PLCB1: variants seen among roughly 807,000 people sequenced by gnomAD.
The protein encoded by PLCB1 is phospholipase C beta 1.
PLCB1 carries 46 observed loss-of-function variants against 161.8 expected under a neutral mutation model. The observed-to-expected ratio is 0.28, with a 90% CI of 0.22 to 0.36. PLCB1 has a LOEUF of 0.36. Among genes scored for constraint, PLCB1 ranks in the 10% least tolerant of loss-of-function variants. The probability of loss-of-function intolerance (pLI) is 1.00; values close to 1 mark genes in which losing one functional copy is unlikely to be tolerated. For synonymous variants in PLCB1, 517 were observed against 503.7 expected (o/e 1.03, Z -0.35); for missense variants, 1,016 against 1,472.5 (o/e 0.69, Z 5.07).
rs1366505821 is a variant in PLCB1, at chr20:8,752,684, T to C, written c.2524-4362T>C. On this transcript the variant is annotated intron_variant, in intron 23 of 31. Coordinates refer to ENST00000338037, the MANE Select transcript of PLCB1 (RefSeq NM_015192.4). ...GGTGCATGCCTGTAATTCCAGCTAC[T>C]CGGGAGGCTGAGGCAGGAGAATCGC... Among the ~76,000 whole-genome samples, 3 of 151,402 alleles carry C rather than the reference T, an allele frequency of 2.0e-5. No homozygotes were observed. The East Asian group carries it at 5.8e-4, about 29-fold the overall frequency.
At chr20:8,393,061 G>A (rs1368869530) in intron 3 of PLCB1, among the ~76,000 whole-genome samples, 2 of 152,134 alleles carry the variant, frequency 1.3e-5, no homozygotes, top group Non-Finnish European at 2.9e-5. Flanking sequence ...ATGTTTGTTG[G>A]TGTTTAAAGG....
intron 3 of PLCB1, among the ~76,000 whole-genome samples, chr20:8,579,789 A>G (rs2123074440): frequency 6.6e-6 from 1 of 152,128 alleles, no homozygotes; most frequent in East Asian, 1.9e-4. Flanking sequence ...GTTCTCTAGG[A>G]TTATGTATGG....
chr20:8,795,695 G>A (rs1983981061), intron 31 of PLCB1, among the ~76,000 whole-genome samples: 1 of 152,070 alleles, frequency 6.6e-6, no homozygotes, highest in African/African-American at 2.4e-5. Flanking sequence ...AGGAAACATG[G>A]GGAAACCCCA....
intron 2 of PLCB1, among the ~76,000 whole-genome samples, chr20:8,202,150 C>T (rs1233665337): frequency 6.6e-6 from 1 of 152,148 alleles, no homozygotes; most frequent in South Asian, 2.1e-4. Flanking sequence ...CATCTCTGCT[C>T]ATTGCAAACT....
intron 26 of PLCB1, among the ~76,000 whole-genome samples, chr20:8,771,722 T>C (rs558204087): frequency 6.6e-6 from 1 of 152,236 alleles, no homozygotes; most frequent in South Asian, 2.1e-4. Context: ...TAAAGATACG[T>C]CATGAGGAGC....
At chr20:8,169,653 A>T (rs137867673) in intron 2 of PLCB1, among the ~76,000 whole-genome samples, 4 of 152,278 alleles carry the variant, frequency 2.6e-5, no homozygotes, top group African/African-American at 7.2e-5. Context: ...TAATACTGCC[A>T]AGTTGCAGAT....
intron 2 of PLCB1, among the ~76,000 whole-genome samples, chr20:8,322,266 C>G (rs1984954149): frequency 6.6e-6 from 1 of 152,046 alleles, no homozygotes; most frequent in Admixed American, 6.6e-5. Context: ...TCTGGGAGGA[C>G]TTTATAGAAG....
At chr20:8,608,486 C>T (rs1987818696) in intron 3 of PLCB1, among the ~76,000 whole-genome samples, 1 of 152,180 alleles carries the variant, frequency 6.6e-6, no homozygotes, top group African/African-American at 2.4e-5. Context: ...TGCCTCAAAA[C>T]ATACTTTATC....
At chr20:8,867,716 G>A (rs999187235) in intron 31 of PLCB1, among the ~76,000 whole-genome samples, 5 of 151,994 alleles carry the variant, frequency 3.3e-5, no homozygotes, top group African/African-American at 1.2e-4. Context: ...TTGGACTCTT[G>A]GTATATGTTA....
intron 2 of PLCB1, among the ~76,000 whole-genome samples, chr20:8,361,560 G>T (rs1986543083): frequency 6.6e-6 from 1 of 152,130 alleles, no homozygotes; most frequent in Non-Finnish European, 1.5e-5. Context: ...CCCAAATGAT[G>T]ATGATGCCAT....
chr20:8,399,450 T>C (rs1186335593), intron 3 of PLCB1, among the ~76,000 whole-genome samples: 1 of 152,186 alleles, frequency 6.6e-6, no homozygotes, highest in African/African-American at 2.4e-5. Context: ...CCTGGATCTA[T>C]TTCTGGAATA....
At position 8,884,068 on chromosome 20, in the gene PLCB1, T is replaced by C. The variant is rs1988090732; in HGVS notation, c.*2219T>C. Reference sequence around the variant, plus strand: ...AATAACCTTGACTTACACAAAACTGTTTTGGTAGTTGGATTTCATTATCTT... The same window carrying C: ...AATAACCTTGACTTACACAAAACTGCTTTGGTAGTTGGATTTCATTATCTT... On this transcript the variant is annotated 3_prime_UTR_variant, in exon 32 of 32. Coordinates refer to ENST00000338037, the MANE Select transcript of PLCB1 (RefSeq NM_015192.4). 6.6e-6 allele frequency: 1 copy of C among 152,182 alleles called. No homozygotes were observed. Among genetic ancestry groups the C allele is most frequent in the African/African-American group, 2.4e-5 (1 of 41,426 alleles). The allele number at this position is 152,182 out of a possible 1,614,324, so 9.4% of individuals were successfully genotyped here. A position where few individuals can be genotyped will look rare whatever the true frequency, so the allele number is the denominator to read the frequency against.
At chr20:8,695,121 A>G (rs1380324229) in intron 10 of PLCB1, among the ~76,000 whole-genome samples, 1 of 152,178 alleles carries the variant, frequency 6.6e-6, no homozygotes, top group African/African-American at 2.4e-5. Context: ...TTCCAAATGC[A>G]TCTTTGTGTT....
rs566423133 is a variant in PLCB1, at chr20:8,198,313, G to A, written c.177+47942G>A. Among the ~76,000 whole-genome samples, 10 of 152,208 alleles carry A rather than the reference G, an allele frequency of 6.6e-5. No homozygotes were observed. In the East Asian group the frequency reaches 1.2e-3, roughly 18 times the overall value. On this transcript the variant is annotated intron_variant, in intron 2 of 31. Transcript: ENST00000338037. ...ATGAGCGTGGAATGTTCTTCCATTT[G>A]TTTGTGTCCTCTTTTATTTCGCTGA...
intron 3 of PLCB1, among the ~76,000 whole-genome samples, chr20:8,455,327 A>C (rs1324587781): frequency 2.3e-4 from 26 of 110,722 alleles, no homozygotes; most frequent in African/African-American, 8.5e-4. Flanking sequence ...AAACTCCATC[A>C]CAAAAAAAAA....
At chr20:8,772,298 T>C (rs1407640180) in intron 26 of PLCB1, among the ~76,000 whole-genome samples, 3 of 152,158 alleles carry the variant, frequency 2.0e-5, no homozygotes, top group Non-Finnish European at 4.4e-5. Flanking sequence ...GCTTTCTACA[T>C]AATGTGAAGA....
chr20:8,287,495 T>A (rs1447207214), intron 2 of PLCB1, among the ~76,000 whole-genome samples: 1 of 152,164 alleles, frequency 6.6e-6, no homozygotes, highest in Non-Finnish European at 1.5e-5. Flanking sequence ...AGCCAGATGG[T>A]GCCTGTGGCT....
chr20:8,399,417 T>C (rs1049115699), intron 3 of PLCB1, among the ~76,000 whole-genome samples: 13 of 152,202 alleles, frequency 8.5e-5, no homozygotes, highest in African/African-American at 3.1e-4. Flanking sequence ...CTTTTTCATA[T>C]ATAATGTTTC....
chr20:8,693,773 T>C (rs4614987), intron 10 of PLCB1, among the ~76,000 whole-genome samples: 12,007 of 152,260 alleles, frequency 0.079, 568 homozygotes, highest in African/African-American at 0.13. Context: ...TTTCTATCCC[T>C]GGATGCCTTG....
Sources: allele counts gnomAD v4.1 joint callset (sites outside exome capture counted in the v4.1 genomes callset), GRCh38; gene constraint gnomAD v4.1.1; transcripts MANE v1.5; gene names NCBI Gene and HGNC (gene_info 2026-07-23, HGNC 2026-07-21).